PHIP: variants seen among roughly 807,000 people sequenced by gnomAD.
The protein encoded by PHIP is PHIP subunit of CUL4-Ring ligase complex.
PHIP carries 54 observed loss-of-function variants against 236.8 expected under a neutral mutation model. The observed-to-expected ratio is 0.23, with a 90% CI of 0.18 to 0.29. PHIP has a LOEUF of 0.29. Ranked by LOEUF, PHIP falls within the 10% of genes least tolerant of loss-of-function variation. The pLI, the probability that PHIP is intolerant of heterozygous loss-of-function variation, is 1.00. For missense variants in PHIP, 1,370 were observed against 2,190.8 expected, an observed-to-expected ratio of 0.63 and a Z score of 7.48; for synonymous variants, 756 against 718.9, an observed-to-expected ratio of 1.05 and a Z score of -0.83.
chr6:79,022,785 G>A (rs1047911219), intron 9 of PHIP, among the ~76,000 whole-genome samples: 12 of 152,172 alleles, frequency 7.9e-5, no homozygotes, highest in African/African-American at 2.9e-4. Flanking sequence ...TTGCTCGTGA[G>A]TTGGTAATAC....
rs746101525 is a variant in PHIP, at chr6:78,946,097, C to A, written c.4534G>T (p.Val1512Phe). The change falls in exon 38 of 40, where the codon GTT (valine) becomes TTT (phenylalanine). Residue 1512 changes from valine to phenylalanine, a missense_variant. Physicochemically the swap from Val to Phe is conservative, Grantham distance 50. Transcript: ENST00000275034. ...TGCTCAGTGACAACTGGATCTACAA[C>A]CACTCGGTTGCTTCTGGTTCGAACC... Reference protein sequence around the residue: ...SVVRTRSNRVVVDPVVTEQPS... With the variant: ...SVVRTRSNRVFVDPVVTEQPS... 6.2e-7 allele frequency: 1 copy of A among 1,613,844 alleles called. No homozygotes were observed. Among genetic ancestry groups the A allele is most frequent in the Non-Finnish European group, 8.5e-7 (1 of 1,179,732 alleles).
intron 15 of PHIP, among the ~76,000 whole-genome samples, chr6:79,009,512 A>G (rs560192004): frequency 1.2e-4 from 19 of 152,154 alleles, no homozygotes; most frequent in African/African-American, 4.6e-4. Context: ...ATTATTTATC[A>G]ATATTTATCC....
chr6:79,056,282 C>T (rs1773067512), intron 6 of PHIP, among the ~76,000 whole-genome samples: 1 of 152,066 alleles, frequency 6.6e-6, no homozygotes, highest in Admixed American at 6.6e-5. Context: ...GAGGGGCATT[C>T]CAGGGAGAAA....
At chr6:79,034,963 A>C (rs1771856419) in intron 7 of PHIP, among the ~76,000 whole-genome samples, 1 of 152,174 alleles carries the variant, frequency 6.6e-6, no homozygotes, top group African/African-American at 2.4e-5. Flanking sequence ...CCCTCTACTT[A>C]TGAGATAGAA....
chr6:78,963,286 G>A, intron 29 of PHIP, 34 bp from the exon 30 acceptor site: 2 of 1,547,640 alleles, frequency 1.3e-6, no homozygotes, highest in South Asian at 2.4e-5. Context: ...GCAAATACAT[G>A]GTAACTTATT....
chr6:79,041,505 G>A (rs1481007139), intron 7 of PHIP, among the ~76,000 whole-genome samples: 2 of 151,876 alleles, frequency 1.3e-5, no homozygotes, highest in Non-Finnish European at 2.9e-5. Context: ...CTGACCTACT[G>A]GCACAATATA....
At chr6:78,962,261 AAC>A (rs2127698340) in intron 30 of PHIP, among the ~76,000 whole-genome samples, 2 of 152,272 alleles carry the variant, frequency 1.3e-5, no homozygotes, top group South Asian at 4.1e-4. Context: ...GAGAAAAGGA[AAC>A]AGACCCAGAA....
chr6:79,069,890 T>G (rs1773801520), intron 4 of PHIP, among the ~76,000 whole-genome samples: 1 of 152,182 alleles, frequency 6.6e-6, no homozygotes, highest in South Asian at 2.1e-4. Context: ...ACTTAACTGT[T>G]AAGAATTCAT....
chr6:78,988,303 T>G lies in PHIP; in HGVS notation c.2366A>C (p.Gln789Pro). ...ACGATAATTGTGTTGATTTGTCTGT[T>G]GCTTTTTGGATTCTCCAAGATCCAG... ...HFLDLGESKKQQTNQHNYRTR... is the reference protein window; with the variant it reads ...HFLDLGESKKPQTNQHNYRTR... Residue 789 changes from glutamine to proline, a missense_variant, in exon 21 of 40, where the codon CAA (glutamine) becomes CCA (proline). Gln to Pro is a moderately conservative substitution (Grantham distance 76). Coordinates refer to ENST00000275034, the MANE Select transcript of PHIP (RefSeq NM_017934.7). 6.2e-7 allele frequency: 1 copy of G among 1,607,676 alleles called. No individual in the cohort carries two copies. Among genetic ancestry groups the G allele is most frequent in the Non-Finnish European group, 8.5e-7 (1 of 1,175,400 alleles).
At chr6:79,077,773 C>G in intron 2 of PHIP, 44 bp from the exon 3 acceptor site, 1 of 977,950 alleles carries the variant, frequency 1.0e-6, no homozygotes, top group Admixed American at 6.4e-5. Context: ...CGCCCCGGGC[C>G]GCGGCCCCGC....
chr6:78,966,664 G>A (rs932897927), intron 27 of PHIP, among the ~76,000 whole-genome samples: 7 of 152,144 alleles, frequency 4.6e-5, no homozygotes, highest in African/African-American at 1.7e-4. Context: ...TCCAATTGCT[G>A]TCGTCGTATT....
At chr6:78,977,342 C>T (rs1768168744) in intron 24 of PHIP, among the ~76,000 whole-genome samples, 1 of 150,532 alleles carries the variant, frequency 6.6e-6, no homozygotes, top group Non-Finnish European at 1.5e-5. Context: ...CACATGGACA[C>T]AGGAAGGGGA....
At chr6:79,042,583 A>G (rs1393774230) in intron 7 of PHIP, among the ~76,000 whole-genome samples, 1 of 152,096 alleles carries the variant, frequency 6.6e-6, no homozygotes, top group Non-Finnish European at 1.5e-5. Flanking sequence ...TGTATTTGAT[A>G]TATGTTGAGA....
chr6:78,959,309 T>C (rs142799081), intron 31 of PHIP, among the ~76,000 whole-genome samples: 61 of 152,170 alleles, frequency 4.0e-4, no homozygotes, highest in African/African-American at 1.2e-3. Context: ...AGAAATACAA[T>C]CATATGGAAT....
At chr6:79,034,133 G>C (rs1771809594) in intron 7 of PHIP, among the ~76,000 whole-genome samples, 1 of 152,164 alleles carries the variant, frequency 6.6e-6, no homozygotes, top group African/African-American at 2.4e-5. Context: ...AAATGTGAAA[G>C]AGACAAGACT....
At chr6:79,051,678 T>C (rs1285527347) in intron 6 of PHIP, among the ~76,000 whole-genome samples, 1 of 151,990 alleles carries the variant, frequency 6.6e-6, no homozygotes, top group Non-Finnish European at 1.5e-5. Context: ...TTCCAAGAAG[T>C]AAGCAAAAAA....
intron 7 of PHIP, among the ~76,000 whole-genome samples, chr6:79,030,743 G>A (rs1771627384): frequency 6.6e-6 from 1 of 152,130 alleles, no homozygotes; most frequent in Non-Finnish European, 1.5e-5. Context: ...TAGCAGATGA[G>A]ATTACGAAGA....
chr6:78,983,944 T>C (rs1283148566), intron 22 of PHIP, among the ~76,000 whole-genome samples: 2 of 152,176 alleles, frequency 1.3e-5, no homozygotes, highest in African/African-American at 2.4e-5. Context: ...TATGTGAGCA[T>C]ATTTACTTAT....
chr6:79,062,193 C>A (rs531315622), intron 4 of PHIP, among the ~76,000 whole-genome samples: 55 of 152,252 alleles, frequency 3.6e-4, no homozygotes, highest in African/African-American at 1.3e-3. Context: ...TCAAAAAGCA[C>A]ACTGACATTG....
Sources: allele counts gnomAD v4.1 joint callset (sites outside exome capture counted in the v4.1 genomes callset), GRCh38; gene constraint gnomAD v4.1.1; transcripts MANE v1.5; gene names NCBI Gene and HGNC (gene_info 2026-07-23, HGNC 2026-07-21).